Variants in CADM2 observed in about 807,000 individuals in gnomAD.
The protein encoded by CADM2 is cell adhesion molecule 2.
Under a neutral mutation model 49.8 loss-of-function variants are expected in CADM2, and 12 were observed. The observed-to-expected ratio is 0.24, with a 90% CI of 0.15 to 0.39. The LOEUF (loss-of-function observed/expected upper bound fraction) is 0.39, where lower values mean the gene tolerates loss of function less well. Among genes scored for constraint, CADM2 ranks in the 10% least tolerant of loss-of-function variants. The pLI, the probability that CADM2 is intolerant of heterozygous loss-of-function variation, is 1.00. For missense variants in CADM2, 378 were observed against 492.3 expected (o/e 0.77, Z 2.20); for synonymous variants, 214 against 175.4 (o/e 1.22, Z -1.74).
chr3:85,991,397 A>G (rs566132875), intron 8 of CADM2, among the ~76,000 whole-genome samples: 1 of 152,292 alleles, frequency 6.6e-6, no homozygotes, highest in East Asian at 1.9e-4. Context: ...TGCCTCTTCT[A>G]TAGTAGGATA....
At position 85,012,505 on chromosome 3, in the gene CADM2, T is replaced by G. The variant is rs112740928; in HGVS notation, c.61+52837T>G. Among the ~76,000 whole-genome samples, 125 of 149,396 alleles carry G rather than the reference T, an allele frequency of 8.4e-4. No individual in the cohort carries two copies. In the Middle Eastern group the frequency reaches 0.018, roughly 21 times the overall value. On this transcript the variant is annotated intron_variant, in intron 1 of 9. Coordinates refer to ENST00000383699, the MANE Select transcript of CADM2 (RefSeq NM_001167675.2). The stretch of plus-strand genomic sequence containing the variant: ...AATATATGTATATATTTATAATATA[T>G]TATTTATTTACAACATGCAAGAGAT...
chr3:85,536,457 T>A (rs1269699022), intron 1 of CADM2, among the ~76,000 whole-genome samples: 1 of 104,580 alleles, frequency 9.6e-6, no homozygotes, highest in African/African-American at 2.5e-5. Context: ...TTAAATATAG[T>A]ATTGTTTTTT....
chr3:85,893,813 G>A (rs1714816396), intron 5 of CADM2, among the ~76,000 whole-genome samples: 1 of 152,112 alleles, frequency 6.6e-6, no homozygotes, highest in Non-Finnish European at 1.5e-5. Flanking sequence ...TCTCACACCA[G>A]TTAGAATGGC....
At chr3:86,012,010 A>G (rs1033618008) in intron 8 of CADM2, among the ~76,000 whole-genome samples, 4 of 152,040 alleles carry the variant, frequency 2.6e-5, no homozygotes, top group African/African-American at 9.7e-5. Context: ...TCTAGTGTTT[A>G]ATATTTTATG....
At chr3:85,324,154 T>A (rs1157058572) in intron 1 of CADM2, among the ~76,000 whole-genome samples, 1 of 152,208 alleles carries the variant, frequency 6.6e-6, no homozygotes, top group Non-Finnish European at 1.5e-5. Context: ...ATTTGCTCAA[T>A]AAGTGGATAA....
intron 1 of CADM2, among the ~76,000 whole-genome samples, chr3:85,696,138 T>G (rs1412325495): frequency 6.6e-6 from 1 of 152,152 alleles, no homozygotes; most frequent in Non-Finnish European, 1.5e-5. Flanking sequence ...CTGATTTGTT[T>G]GAGTTTCTTG....
At chr3:85,061,802 TAC>T (rs1001707251) in intron 1 of CADM2, among the ~76,000 whole-genome samples, 22 of 152,264 alleles carry the variant, frequency 1.4e-4, no homozygotes, top group Admixed American at 1.4e-3. Flanking sequence ...AGTCGATATA[TAC>T]ATATATACAC....
intron 1 of CADM2, among the ~76,000 whole-genome samples, chr3:85,150,651 T>A (rs2107645251): frequency 6.6e-6 from 1 of 152,018 alleles, no homozygotes; most frequent in South Asian, 2.1e-4. Flanking sequence ...ACGCCTATAA[T>A]CTCAGCACTT....
chr3:86,054,891 AT>A (rs986835304), intron 8 of CADM2, among the ~76,000 whole-genome samples: 30 of 151,810 alleles, frequency 2.0e-4, no homozygotes, highest in African/African-American at 6.5e-4. Flanking sequence ...GAAGTCATTT[AT>A]TTTTTTTCTT....
At chr3:85,350,762 CG>C (rs1432220313) in intron 1 of CADM2, among the ~76,000 whole-genome samples, 1 of 150,274 alleles carries the variant, frequency 6.7e-6, no homozygotes, top group Admixed American at 6.6e-5. Context: ...GGGTTATTAA[CG>C]AAAAAAAAAG....
chr3:85,328,508 T>G (rs2044817854), intron 1 of CADM2, among the ~76,000 whole-genome samples: 1 of 152,204 alleles, frequency 6.6e-6, no homozygotes, highest in East Asian at 1.9e-4. Flanking sequence ...TGACAACTTT[T>G]GGGCTATTTC....
Position 85,250,362 on chromosome 3 carries a change from A to T in CADM2, c.61+290694A>T, listed in dbSNP as rs185040681. ...CGACTTGGTTTACTTAACCCACCAC[A>T]TAATAAGCAGCCAGTAAATACCTAT... is the stretch of plus-strand genomic sequence containing the variant. On this transcript the variant is annotated intron_variant, in intron 1 of 9. Coordinates refer to ENST00000383699, the MANE Select transcript of CADM2 (RefSeq NM_001167675.2). 2.6e-5 allele frequency among the ~76,000 whole-genome samples: 4 copies of T among 151,824 alleles called. No individual in the cohort carries two copies. The East Asian group carries it at 7.7e-4, about 29-fold the overall frequency.
At chr3:85,378,427 T>C (rs2033715560) in intron 1 of CADM2, among the ~76,000 whole-genome samples, 1 of 152,064 alleles carries the variant, frequency 6.6e-6, no homozygotes. Flanking sequence ...CTGCTGCTCC[T>C]ACTGATAACT....
At chr3:85,310,307 G>A (rs1460216539) in intron 1 of CADM2, among the ~76,000 whole-genome samples, 1 of 151,542 alleles carries the variant, frequency 6.6e-6, no homozygotes, top group African/African-American at 2.4e-5. Context: ...ACTGTTTGGA[G>A]GGCACAGGAT....
chr3:85,622,737 A>C (rs919070321), intron 1 of CADM2, among the ~76,000 whole-genome samples: 1 of 152,062 alleles, frequency 6.6e-6, no homozygotes, highest in South Asian at 2.1e-4. Flanking sequence ...CGCTACCCCT[A>C]TGCACTGCGT....
At chr3:85,737,804 C>T (rs952969724) in intron 2 of CADM2, among the ~76,000 whole-genome samples, 3 of 152,074 alleles carry the variant, frequency 2.0e-5, no homozygotes, top group Admixed American at 6.6e-5. Context: ...GTGATCTGCC[C>T]GCCGCTGCCT....
At chr3:85,138,136 A>G (rs1052780120) in intron 1 of CADM2, among the ~76,000 whole-genome samples, 1 of 152,174 alleles carries the variant, frequency 6.6e-6, no homozygotes, top group African/African-American at 2.4e-5. Flanking sequence ...AGAATTCTTC[A>G]GTGAGTCATG....
chr3:86,060,707 G>A (rs972828608), intron 8 of CADM2, among the ~76,000 whole-genome samples: 6 of 152,096 alleles, frequency 3.9e-5, no homozygotes, highest in Non-Finnish European at 8.8e-5. Flanking sequence ...ATAATGGCCG[G>A]ATGCGGTGAC....
At chr3:85,550,317 G>A (rs1345747888) in intron 1 of CADM2, among the ~76,000 whole-genome samples, 2 of 152,162 alleles carry the variant, frequency 1.3e-5, no homozygotes, top group Non-Finnish European at 2.9e-5. Flanking sequence ...ATTTGCTCAA[G>A]TATTTGATAT....
Sources: gnomAD v4.1 joint callset for allele counts (sites outside exome capture counted in the v4.1 genomes callset) on GRCh38, gnomAD v4.1.1 for gene constraint, MANE v1.5 for transcripts, NCBI Gene and HGNC (gene_info 2026-07-23, HGNC 2026-07-21) for gene names.